RAE1: variants seen among roughly 807,000 people sequenced by gnomAD.
The protein encoded by RAE1 is ribonucleic acid export 1.
In RAE1, 13 loss-of-function variants were observed where a neutral mutation model predicts 52.7. The observed-to-expected ratio is 0.25, with a 90% CI of 0.16 to 0.39. The LOEUF (loss-of-function observed/expected upper bound fraction) is 0.39. Ranked by LOEUF, RAE1 falls within the 10% of genes least tolerant of loss-of-function variation. The probability of loss-of-function intolerance (pLI) is 1.00; values close to 1 mark genes in which losing one functional copy is unlikely to be tolerated. For missense variants in RAE1, 262 were observed against 459.8 expected, an observed-to-expected ratio of 0.57 and a Z score of 3.93; for synonymous variants, 164 against 153.1, an observed-to-expected ratio of 1.07 and a Z score of -0.52.
In RAE1 at chr20:57,373,519, T is replaced by C. The variant is rs1210273756; in HGVS notation, c.687T>C (p.Thr229=). The C allele has an allele frequency of 1.2e-6, 2 of 1,614,198 alleles. No homozygotes were observed. Among genetic ancestry groups the C allele is most frequent in the East Asian group, 2.2e-5 (1 of 44,886 alleles). The change falls in exon 9 of 12, where the codon ACT becomes ACC. Residue 229 remains threonine, a synonymous_variant. Coordinates refer to ENST00000395841, the MANE Select transcript of RAE1 (RefSeq NM_003610.4). ...AIFKDKQNKP[T]GFALGSIEGR... is the part of the protein sequence containing the mutation. ...TTAAAGACAAACAGAACAAGCCTAC[T>C]GGTTTTGCCCTGGGAAGTATCGAGG...
chr20:57,356,519 T>C lies in RAE1; in HGVS notation c.269T>C (p.Leu90Pro). The change falls in exon 4 of 12, where the codon CTT becomes CCT. Residue 90 changes from leucine (L) to proline (P), a missense_variant. Coordinates refer to ENST00000395841, the MANE Select transcript of RAE1 (RefSeq NM_003610.4). ...KAQQMHTGPV[L>P]DVCWSDDGSK... ...CAGCAGATGCACACTGGGCCTGTGC[T>C]TGATGTCTGCTGGAGTGACGTACGT... is the stretch of plus-strand genomic sequence containing the variant. 6.2e-7 allele frequency: 1 copy of C among 1,612,794 alleles called. No homozygotes were observed. Among genetic ancestry groups the C allele is most frequent in the Non-Finnish European group, 8.5e-7 (1 of 1,179,016 alleles).
chr20:57,362,948 T>G (rs569714101), intron 4 of RAE1, among the ~76,000 whole-genome samples: 51 of 152,232 alleles, frequency 3.4e-4, no homozygotes, highest in African/African-American at 1.2e-3. Flanking sequence ...ACCCAGCTAA[T>G]TTTTGTATTT....
chr20:57,365,423 A>G lies in RAE1; in HGVS notation c.356A>G (p.Gln119Arg), dbSNP rs902649124. Residue 119 changes from glutamine to arginine, a missense_variant, in exon 5 of 12, where the codon CAA becomes CGA. Transcript: ENST00000395841. The stretch of plus-strand genomic sequence containing the variant: ...AAAATGTGGGACCTCAGCAGTAACC[A>G]AGCGATACAGATCGCACAGGTAACA... ...TAKMWDLSSNQAIQIAQHDAP... is the reference protein window; with the variant it reads ...TAKMWDLSSNRAIQIAQHDAP... 1 of 1,608,538 alleles carries G rather than the reference A, an allele frequency of 6.2e-7. No homozygotes were observed. Among genetic ancestry groups the G allele is most frequent in the Non-Finnish European group, 8.5e-7 (1 of 1,176,426 alleles).
chr20:57,374,558 C>G (rs1483582822), intron 10 of RAE1, 49 bp from the exon 11 acceptor site: 1 of 1,540,296 alleles, frequency 6.5e-7, no homozygotes, highest in Admixed American at 1.8e-5. Context: ...GTGGAACCTT[C>G]TCTGCGCCCC....
chr20:57,378,195 G>T lies in RAE1; in HGVS notation c.*96G>T. 1 of 1,038,980 alleles carries T rather than the reference G, an allele frequency of 9.6e-7. No homozygotes were observed. The highest frequency in any genetic ancestry group is 1.6e-5 in the South Asian group (1 of 64,322). The allele number at this position is 1,038,980 out of a possible 1,614,324, so 64.4% of individuals were successfully genotyped here. A position where few individuals can be genotyped will look rare whatever the true frequency, so the allele number is the denominator to read the frequency against. ...CCAGCCTTGTTGGGTTGTCAGCCAT[G>T]GACATGGATTTCAACCCCTGGAGAA... On this transcript the variant is annotated 3_prime_UTR_variant, in exon 12 of 12. Coordinates refer to ENST00000395841, the MANE Select transcript of RAE1 (RefSeq NM_003610.4).
intron 4 of RAE1, among the ~76,000 whole-genome samples, chr20:57,361,656 A>G (rs371365560): frequency 2.7e-4 from 41 of 152,316 alleles, no homozygotes; most frequent in Non-Finnish European, 4.1e-4. Flanking sequence ...TTCAGCTACA[A>G]TGGATTTGGC....
At chr20:57,359,207 A>G in intron 4 of RAE1, 1 of 413,490 alleles carries the variant, frequency 2.4e-6, no homozygotes, top group Non-Finnish European at 4.2e-6. Context: ...AGTTCCTTTT[A>G]TTTTTTTGTA....
chr20:57,368,541 T>G (rs984772517), intron 7 of RAE1, among the ~76,000 whole-genome samples, 164 bp from the exon 8 acceptor site: 2 of 152,246 alleles, frequency 1.3e-5, no homozygotes, highest in African/African-American at 4.8e-5. Flanking sequence ...AATATATGAA[T>G]GTTCTACTTT....
intron 1 of RAE1, 200 bp downstream of exon 1, chr20:57,351,622 C>G (rs1239982278): frequency 1.0e-6 from 1 of 985,562 alleles, no homozygotes; most frequent in Non-Finnish European, 1.2e-6. Flanking sequence ...TCCATCGTTT[C>G]TCTTGTGGGG....
chr20:57,367,122 A>AT (rs1491289668), intron 7 of RAE1, 43 bp downstream of exon 7: 1 of 1,463,708 alleles, frequency 6.8e-7, no homozygotes. Context: ...TAAAAAAAAA[A>AT]CAAAATAAGT....
chr20:57,351,875 T>A lies in RAE1; in HGVS notation c.-8+453T>A, dbSNP rs2066715072. On this transcript the variant is annotated intron_variant, in intron 1 of 11. Coordinates refer to ENST00000395841, the MANE Select transcript of RAE1 (RefSeq NM_003610.4). ...TCTGTCTTAGCCCGCCAAGTATTTA[T>A]TGTATACGTATATAGGTGCCACCGT... 9.1e-6 allele frequency: 9 copies of A among 985,346 alleles called. No individual in the cohort carries two copies. In the South Asian group the frequency reaches 4.2e-4, roughly 46 times the overall value. The allele number at this position is 985,346 out of a possible 1,614,324, so 61.0% of individuals were successfully genotyped here.
In RAE1 at chr20:57,378,158, C is replaced by T. The variant is rs113546882; in HGVS notation, c.*59C>T. On this transcript the variant is annotated 3_prime_UTR_variant, in exon 12 of 12. Coordinates refer to ENST00000395841, the MANE Select transcript of RAE1 (RefSeq NM_003610.4). ...CTCTCCACTCTGCCTCATCTCTGTA[C>T]GAATTTGGGTCCCAGCCTTGTTGGG... The T allele has an allele frequency of 1.5e-3, 2,032 of 1,365,540 alleles. 19 individuals carry two copies. In the African/African-American group the frequency reaches 0.024, roughly 16 times the overall value. The allele number at this position is 1,365,540 out of a possible 1,614,324, so 84.6% of individuals were successfully genotyped here.
At chr20:57,368,301 A>G (rs572123391) in intron 7 of RAE1, among the ~76,000 whole-genome samples, 1 of 152,338 alleles carries the variant, frequency 6.6e-6, no homozygotes, top group East Asian at 1.9e-4. Flanking sequence ...AGCCACTGCT[A>G]GTACTTGAAA....
At chr20:57,357,335 A>G (rs2066804800) in intron 4 of RAE1, 4 of 152,198 alleles carry the variant, frequency 2.6e-5, no homozygotes, top group African/African-American at 9.7e-5. Flanking sequence ...TGCTTTTACA[A>G]GAGTATCATC....
intron 7 of RAE1, among the ~76,000 whole-genome samples, chr20:57,368,204 T>C (rs1426652098): frequency 6.6e-6 from 1 of 152,198 alleles, no homozygotes; most frequent in Non-Finnish European, 1.5e-5. Context: ...TTTTATGTAA[T>C]ATAGTGAAAC....
At position 57,354,215 on chromosome 20, in the gene RAE1, C is replaced by G. The variant is rs1445817581; in HGVS notation, c.90+87C>G. The G allele has an allele frequency of 2.6e-6, 3 of 1,165,054 alleles. No individual in the cohort carries two copies. The African/African-American group carries it at 4.6e-5, about 18-fold the overall frequency. 72.2% of individuals were successfully genotyped at this position (1,165,054 alleles called of 1,614,324 possible). ...GACAGAACCCGAGATGACTTGGGAG[C>G]CTCCTTTAGGCTGAAAGCTTTGAAA... On this transcript the variant is annotated intron_variant, in intron 2 of 11. Coordinates refer to ENST00000395841, the MANE Select transcript of RAE1 (RefSeq NM_003610.4).
intron 8 of RAE1, among the ~76,000 whole-genome samples, chr20:57,370,237 T>C (rs887347889): frequency 1.3e-5 from 2 of 152,194 alleles, no homozygotes. Flanking sequence ...CAGAACTGTT[T>C]TTGGCGTGAC....
intron 4 of RAE1, chr20:57,358,776 T>C (rs1049805421): frequency 7.5e-6 from 3 of 400,374 alleles, no homozygotes; most frequent in African/African-American, 4.1e-5. Flanking sequence ...TATCAAATTA[T>C]TGGGTCGATG....
intron 11 of RAE1, among the ~76,000 whole-genome samples, chr20:57,376,295 A>G (rs1004722468): frequency 6.6e-6 from 1 of 152,194 alleles, no homozygotes; most frequent in Non-Finnish European, 1.5e-5. Flanking sequence ...CATTGTTTAA[A>G]GTGTACAATT....
Sources: allele counts gnomAD v4.1 joint callset (sites outside exome capture counted in the v4.1 genomes callset), GRCh38; gene constraint gnomAD v4.1.1; transcripts MANE v1.5; gene names NCBI Gene and HGNC (gene_info 2026-07-23, HGNC 2026-07-21).